The following ARHGAP18 variants were observed in gnomAD, a reference collection of about 807,000 sequenced individuals.
The protein encoded by ARHGAP18 is rho GTPase-activating protein 18.
A neutral mutation model predicts 86.2 loss-of-function variants in ARHGAP18; 67 were observed. That is an observed-to-expected ratio of 0.78 (90% CI 0.64 to 0.95). ARHGAP18 has a LOEUF of 0.95. ARHGAP18 is among the 40% of genes least tolerant of loss of function. ARHGAP18 has a pLI of 0.00. For missense variants in ARHGAP18, 691 were observed against 780.4 expected, an observed-to-expected ratio of 0.89 and a Z score of 1.37; for synonymous variants, 283 against 280.4, an observed-to-expected ratio of 1.01 and a Z score of -0.09.
intron 13 of ARHGAP18, among the ~76,000 whole-genome samples, chr6:129,582,783 C>T (rs1788314790): frequency 6.6e-6 from 1 of 152,192 alleles, no homozygotes; most frequent in Admixed American, 6.5e-5. Flanking sequence ...TCCAGCTCTA[C>T]CACCTATGAA....
At chr6:129,629,117 C>T (rs1256590188) in intron 5 of ARHGAP18, among the ~76,000 whole-genome samples, 1 of 151,846 alleles carries the variant, frequency 6.6e-6, no homozygotes, top group Non-Finnish European at 1.5e-5. Context: ...GGTGTGATGG[C>T]TCATCCCTGT....
chr6:129,655,400 T>C (rs1188601075), intron 1 of ARHGAP18, among the ~76,000 whole-genome samples: 1 of 145,494 alleles, frequency 6.9e-6, no homozygotes, highest in Non-Finnish European at 1.5e-5. Flanking sequence ...TTATAAAAGA[T>C]GATGAAAGGA....
chr6:129,625,342 T>TATAC (rs1491379358), intron 5 of ARHGAP18, among the ~76,000 whole-genome samples: 11 of 73,596 alleles, frequency 1.5e-4, no homozygotes, highest in African/African-American at 6.1e-4. Flanking sequence ...GATATATATT[T>TATAC]ATATGTAATA....
At chr6:129,579,212 T>C (rs1416454746) in intron 14 of ARHGAP18, among the ~76,000 whole-genome samples, 2 of 152,148 alleles carry the variant, frequency 1.3e-5, no homozygotes. Flanking sequence ...CTACACTTAA[T>C]TCCCAAGATC....
intron 1 of ARHGAP18, among the ~76,000 whole-genome samples, chr6:129,660,628 A>C (rs1424301798): frequency 6.6e-6 from 1 of 152,186 alleles, no homozygotes; most frequent in Non-Finnish European, 1.5e-5. Flanking sequence ...AAGCTTGCCA[A>C]AAAGGCAGAA....
At position 129,608,063 on chromosome 6, in the gene ARHGAP18, C is replaced by CT. The variant is rs1788893488; in HGVS notation, c.1123-12_1123-11insA. ...TTCTTGGCAAAGATTCTGATAGGCA[C>CT]GAAAAAAAAAAAAAAAAAAAAAAGA... On this transcript the variant is annotated splice_polypyrimidine_tract_variant and intron_variant, in intron 8 of 14. Coordinates refer to ENST00000368149, the MANE Select transcript of ARHGAP18 (RefSeq NM_033515.3). 1.1e-5 allele frequency: 7 copies of CT among 643,578 alleles called. No homozygotes were observed. The highest frequency in any genetic ancestry group is 1.0e-5 in the Non-Finnish European group (5 of 501,776). 39.9% of individuals were successfully genotyped at this position (643,578 alleles called of 1,614,324 possible).
In ARHGAP18 at chr6:129,685,584, T is replaced by C. The variant is rs143924601; in HGVS notation, c.113+24440A>G. On this transcript the variant is annotated intron_variant, in intron 1 of 14. Transcript: ENST00000368149. ...TATAAAGCACACAATACCAGGCAAA[T>C]TGAAGGTACTGTATAAAGGTTATTG... Among the ~76,000 whole-genome samples the C allele has an allele frequency of 6.0e-3, 896 of 150,220 alleles. 8 individuals carry two copies. Among genetic ancestry groups the C allele is most frequent in the African/African-American group, 0.021 (851 of 41,154 alleles).
chr6:129,641,296 C>G (rs1773459083), intron 2 of ARHGAP18, among the ~76,000 whole-genome samples: 1 of 152,170 alleles, frequency 6.6e-6, no homozygotes, highest in Non-Finnish European at 1.5e-5. Context: ...GAAAGGCTAT[C>G]ATGTAAAAAT....
At chr6:129,638,722 A>G in intron 2 of ARHGAP18, 93 bp from the exon 3 acceptor site, 3 of 1,152,370 alleles carry the variant, frequency 2.6e-6, no homozygotes, top group South Asian at 1.4e-5. Context: ...AAACTCTTCT[A>G]TTGTAACCAA....
intron 2 of ARHGAP18, among the ~76,000 whole-genome samples, chr6:129,641,052 A>T (rs1420251559): frequency 4.6e-5 from 7 of 152,208 alleles, no homozygotes; most frequent in East Asian, 1.9e-4. Context: ...TACAAGAAAG[A>T]AGTAAATATG....
intron 13 of ARHGAP18, among the ~76,000 whole-genome samples, chr6:129,580,795 A>C (rs1214919602): frequency 9.2e-5 from 14 of 152,030 alleles, no homozygotes; most frequent in Admixed American, 9.2e-4. Context: ...GGACTGCTTG[A>C]GCCCAGGAGA....
rs1789349064 is a variant in ARHGAP18, at chr6:129,625,186, T to TTATATGTAATATATATGATATATG, written c.786+4166_786+4167insCATATATCATATATATTACATATA. Among the ~76,000 whole-genome samples, 11 of 44,650 alleles carry TTATATGTAATATATATGATATATG rather than the reference T, an allele frequency of 2.5e-4. 1 individual carries two copies. Among genetic ancestry groups the TTATATGTAATATATATGATATATG allele is most frequent in the African/African-American group, 5.4e-4 (5 of 9,216 alleles). The allele number at this position is 44,650 out of a possible 152,430, so 29.3% of individuals were successfully genotyped here. ...ATATTATATATGATATATTATATAT[T>TTATATGTAATATATATGATATATG]ATATATGATATATATTTATATGTAA... On this transcript the variant is annotated intron_variant, in intron 5 of 14. Transcript: ENST00000368149.
At chr6:129,638,685 T>G (rs770307006) in intron 2 of ARHGAP18, 56 bp from the exon 3 acceptor site, 162 of 1,495,726 alleles carry the variant, frequency 1.1e-4, no homozygotes, top group Non-Finnish European at 1.4e-4. Flanking sequence ...ACCTTTACAT[T>G]TTTTAAGCTG....
chr6:129,644,876 G>A (rs1773546955), intron 1 of ARHGAP18, among the ~76,000 whole-genome samples: 1 of 152,142 alleles, frequency 6.6e-6, no homozygotes, highest in African/African-American at 2.4e-5. Context: ...CATGCATAAA[G>A]CAAAAATTGA....
intron 13 of ARHGAP18, among the ~76,000 whole-genome samples, chr6:129,581,931 C>A (rs1788297848): frequency 6.6e-6 from 1 of 152,050 alleles, no homozygotes; most frequent in Non-Finnish European, 1.5e-5. Flanking sequence ...TAGTTAATTA[C>A]AATAATAGAT....
intron 4 of ARHGAP18, among the ~76,000 whole-genome samples, chr6:129,632,600 T>G (rs1299580391): frequency 1.3e-5 from 2 of 152,168 alleles, no homozygotes; most frequent in Non-Finnish European, 2.9e-5. Flanking sequence ...AGGGTAGCTA[T>G]GCCAGCTTGC....
intron 8 of ARHGAP18, among the ~76,000 whole-genome samples, chr6:129,610,962 T>C (rs12529377): frequency 0.11 from 17,216 of 152,134 alleles, 1,065 homozygotes; most frequent in Admixed American, 0.16. Flanking sequence ...AGTGGGACAA[T>C]GACAGCTCAC....
intron 5 of ARHGAP18, among the ~76,000 whole-genome samples, chr6:129,622,630 T>A (rs985395971): frequency 6.6e-6 from 1 of 152,036 alleles, no homozygotes; most frequent in African/African-American, 2.4e-5. Context: ...ATAGACTGAA[T>A]GGTTCAGTTC....
chr6:129,599,263 C>T lies in ARHGAP18; in HGVS notation c.1666G>A (p.Ala556Thr), dbSNP rs1196756296. 2 of 1,592,326 alleles carry T rather than the reference C, an allele frequency of 1.3e-6. No homozygotes were observed. The highest frequency in any genetic ancestry group is 1.7e-6 in the Non-Finnish European group (2 of 1,172,326). Reference sequence around the variant, plus strand: ...TTTTCATATTTTTCTCGGTCATAAGCCATTTTCTTCAGCAATTTCTTCATG... The same window carrying T: ...TTTTCATATTTTTCTCGGTCATAAGTCATTTTCTTCAGCAATTTCTTCATG... ...RAMKKLLKKM[A>T]YDREKYEKQD... The change falls in exon 12 of 15, where the codon GCT (alanine) becomes ACT (threonine). Residue 556 changes from alanine to threonine, a missense_variant. Transcript: ENST00000368149.
Sources: gnomAD v4.1 joint callset for allele counts (sites outside exome capture counted in the v4.1 genomes callset) on GRCh38, gnomAD v4.1.1 for gene constraint, MANE v1.5 for transcripts, NCBI Gene and HGNC (gene_info 2026-07-23, HGNC 2026-07-21) for gene names.